PCBP3: variants seen among roughly 807,000 people sequenced by gnomAD.
The protein encoded by PCBP3 is poly(rC)-binding protein 3.
Under a neutral mutation model 52.7 loss-of-function variants are expected in PCBP3, and 25 were observed. The ratio of observed to expected loss-of-function variants is 0.47; its 90% confidence interval spans 0.35 to 0.66. The LOEUF is 0.66. Among genes scored for constraint, PCBP3 ranks in the 30% least tolerant of loss-of-function variants. The pLI is 0.01. For missense variants in PCBP3, 391 were observed against 490.3 expected (o/e 0.80, Z 1.91); for synonymous variants, 162 against 183.0 (o/e 0.89, Z 0.93).
At chr21:45,922,784 G>A (rs1285173492) in intron 13 of PCBP3, among the ~76,000 whole-genome samples, 2 of 152,224 alleles carry the variant, frequency 1.3e-5, no homozygotes, top group Non-Finnish European at 2.9e-5. Context: ...TTCCACACAC[G>A]AGGAAGTGGA....
chr21:45,794,785 C>T (rs1242676777), intron 4 of PCBP3, among the ~76,000 whole-genome samples: 1 of 151,924 alleles, frequency 6.6e-6, no homozygotes. Flanking sequence ...CAGAATGAGC[C>T]GGGCGTGGTG....
rs555117534 is a variant in PCBP3 at position 45,724,599 on chromosome 21, C to T, written c.-199-10793C>T. On this transcript the variant is annotated intron_variant, in intron 2 of 17. Coordinates refer to ENST00000681687, the MANE Select transcript of PCBP3 (RefSeq NM_001384156.1). This position sits in a 1 kb window ranked among gnomAD's most constrained non-coding sequence, Gnocchi z 5.3. ...CATTAAAACTGATTTGAGGTGTTAG[C>T]GGTGTCACTGTAAGTGTGAGAATGA... 7.2e-5 allele frequency among the ~76,000 whole-genome samples: 11 copies of T among 152,188 alleles called. No individual in the cohort carries two copies. The highest frequency in any genetic ancestry group is 2.2e-4 in the African/African-American group (9 of 41,502).
chr21:45,861,522 A>G (rs1054363222), intron 5 of PCBP3, among the ~76,000 whole-genome samples: 6 of 152,180 alleles, frequency 3.9e-5, no homozygotes, highest in African/African-American at 7.2e-5. Flanking sequence ...CATCCGTAAC[A>G]GGAACCCCAC....
chr21:45,751,107 G>A (rs1391438623), intron 3 of PCBP3: 4 of 152,048 alleles, frequency 2.6e-5, no homozygotes, highest in Admixed American at 2.6e-4. Flanking sequence ...AGTCGCCCAC[G>A]GTGGGAGGGT....
chr21:45,864,014 A>G (rs961610497), intron 5 of PCBP3, among the ~76,000 whole-genome samples: 2 of 152,164 alleles, frequency 1.3e-5, no homozygotes. Flanking sequence ...CCTTCTGAGG[A>G]CCCATAGCAA....
intron 2 of PCBP3, among the ~76,000 whole-genome samples, chr21:45,726,340 G>A (rs1459652426): frequency 6.6e-6 from 1 of 152,106 alleles, no homozygotes; most frequent in Non-Finnish European, 1.5e-5. Flanking sequence ...AGAGAGCATG[G>A]CTATGGACTG....
intron 4 of PCBP3, among the ~76,000 whole-genome samples, chr21:45,844,553 G>A (rs936770034): frequency 2.6e-5 from 4 of 152,128 alleles, no homozygotes; most frequent in Admixed American, 2.0e-4. Flanking sequence ...AGGCAGGCTG[G>A]TCTCCCCGCT....
chr21:45,789,487 G>T (rs2091394062), intron 4 of PCBP3, among the ~76,000 whole-genome samples: 1 of 152,208 alleles, frequency 6.6e-6, no homozygotes, highest in Non-Finnish European at 1.5e-5. Context: ...GTTCAATAGG[G>T]CCGTCAAGGT....
In PCBP3 at chr21:45,931,474, G is replaced by T. The variant is rs2076163813; in HGVS notation, c.856+629G>T. 1.3e-5 allele frequency among the ~76,000 whole-genome samples: 2 copies of T among 152,262 alleles called. 1 individual carries two copies. Among genetic ancestry groups the T allele is most frequent in the South Asian group, 4.1e-4 (2 of 4,834 alleles). On this transcript the variant is annotated intron_variant, in intron 15 of 17. Coordinates refer to ENST00000681687, the MANE Select transcript of PCBP3 (RefSeq NM_001384156.1). ...GCACACACATGCCAGCCACAGCAGG[G>T]TTAAATTGGGTGGGCAGCGATGGGA...
chr21:45,745,401 G>T (rs540524635), intron 3 of PCBP3, among the ~76,000 whole-genome samples: 2 of 152,258 alleles, frequency 1.3e-5, no homozygotes, highest in Admixed American at 6.5e-5. Flanking sequence ...TGGATGGGAG[G>T]GCTGGGCTCT....
chr21:45,884,646 G>A (rs894341865), intron 5 of PCBP3, among the ~76,000 whole-genome samples: 12 of 151,872 alleles, frequency 7.9e-5, no homozygotes, highest in Non-Finnish European at 7.4e-5. Flanking sequence ...CTGCAGCCTC[G>A]ACTAACCAGG....
At chr21:45,692,140 C>A (rs2082519084) in intron 2 of PCBP3, among the ~76,000 whole-genome samples, 1 of 152,054 alleles carries the variant, frequency 6.6e-6, no homozygotes, top group Non-Finnish European at 1.5e-5. Flanking sequence ...GAGATAAGGA[C>A]CTGGAAGGGT....
At chr21:45,694,951 G>T (rs2082682316) in intron 2 of PCBP3, among the ~76,000 whole-genome samples, 1 of 152,144 alleles carries the variant, frequency 6.6e-6, no homozygotes, top group South Asian at 2.1e-4. Context: ...GTGTAAATCA[G>T]CATGTTTATT....
intron 13 of PCBP3, among the ~76,000 whole-genome samples, chr21:45,926,955 C>A (rs2075496172): frequency 6.6e-6 from 1 of 152,100 alleles, no homozygotes; most frequent in Admixed American, 6.6e-5. Context: ...GACAGGATGG[C>A]ATCTGAAATG....
At chr21:45,703,654 AAGG>A (rs950859551) in intron 2 of PCBP3, among the ~76,000 whole-genome samples, 12 of 152,278 alleles carry the variant, frequency 7.9e-5, no homozygotes, top group African/African-American at 2.9e-4. Context: ...TAGCCTGTAA[AAGG>A]AGGATTGTGC....
chr21:45,941,249 C>T (rs1344092199), intron 17 of PCBP3, among the ~76,000 whole-genome samples: 1 of 152,206 alleles, frequency 6.6e-6, no homozygotes, highest in Non-Finnish European at 1.5e-5. Flanking sequence ...TTCCCGCCTG[C>T]CAGACCGCAT....
At chr21:45,665,238 C>CA (rs1056268312) in intron 1 of PCBP3, among the ~76,000 whole-genome samples, 1 of 151,490 alleles carries the variant, frequency 6.6e-6, no homozygotes, top group Non-Finnish European at 1.5e-5. Flanking sequence ...CCCATATCTA[C>CA]AAAAAAATAA....
At chr21:45,782,921 G>T (rs974878777) in intron 4 of PCBP3, among the ~76,000 whole-genome samples, 2 of 152,224 alleles carry the variant, frequency 1.3e-5, no homozygotes, top group African/African-American at 4.8e-5. Flanking sequence ...CTGTGTCGCA[G>T]GTTACACGGA....
At chr21:45,906,533 C>T (rs1051188168) in intron 9 of PCBP3, among the ~76,000 whole-genome samples, 3 of 152,042 alleles carry the variant, frequency 2.0e-5, no homozygotes, top group Admixed American at 6.5e-5. Flanking sequence ...TGGAGAATTT[C>T]GGGTCATGTT....
Sources: gnomAD v4.1 joint callset for allele counts (sites outside exome capture counted in the v4.1 genomes callset) on GRCh38, gnomAD v4.1.1 for gene constraint, Gnocchi (gnomAD v3.1) non-coding constraint, MANE v1.5 for transcripts, NCBI Gene and HGNC (gene_info 2026-07-23, HGNC 2026-07-21) for gene names.